Variants in NUP210L observed in about 807,000 individuals in gnomAD.
NUP210L encodes nucleoporin 210 like, also known as nuclear pore membrane glycoprotein 210-like.
NUP210L carries 74 observed loss-of-function variants against 208.5 expected under a neutral mutation model. The observed-to-expected ratio is 0.35, with a 90% confidence interval of 0.29 to 0.43. NUP210L has a LOEUF of 0.43. Ranked by LOEUF, NUP210L falls within the 20% of genes least tolerant of loss-of-function variation. NUP210L has a pLI of 1.00. For missense variants in NUP210L, 1,843 were observed against 2,289.4 expected (o/e 0.81, Z 3.98); for synonymous variants, 780 against 816.9 (o/e 0.95, Z 0.77).
chr1:154,018,415 T>A (rs942866903), intron 33 of NUP210L, among the ~76,000 whole-genome samples: 30 of 152,312 alleles, frequency 2.0e-4, no homozygotes, highest in African/African-American at 7.2e-4. Flanking sequence ...TATCCAAAGA[T>A]GACTGCTTTT....
intron 2 of NUP210L, among the ~76,000 whole-genome samples, chr1:154,145,940 G>A (rs751433150): frequency 1.3e-5 from 2 of 152,086 alleles, no homozygotes; most frequent in African/African-American, 2.4e-5. Flanking sequence ...TGTTGTTGTT[G>A]AGATGGAGTC....
chr1:154,124,469 T>C (rs1351189081), intron 10 of NUP210L, among the ~76,000 whole-genome samples: 1 of 152,008 alleles, frequency 6.6e-6, no homozygotes, highest in East Asian at 1.9e-4. Context: ...TCATTCCTTA[T>C]CCCTTTACTC....
intron 38 of NUP210L, among the ~76,000 whole-genome samples, chr1:153,994,569 C>T (rs534349185): frequency 6.6e-6 from 1 of 151,772 alleles, no homozygotes; most frequent in African/African-American, 2.4e-5. Flanking sequence ...GCCTTGGCCT[C>T]CCAAAGTGCT....
intron 2 of NUP210L, among the ~76,000 whole-genome samples, chr1:154,145,928 C>A (rs1659089422): frequency 6.6e-6 from 1 of 152,084 alleles, no homozygotes; most frequent in Non-Finnish European, 1.5e-5. Flanking sequence ...AAATATAATT[C>A]TTGTTGTTGT....
chr1:154,098,820 T>C (rs1220995246), intron 14 of NUP210L, among the ~76,000 whole-genome samples: 1 of 152,172 alleles, frequency 6.6e-6, no homozygotes, highest in Non-Finnish European at 1.5e-5. Context: ...CACCAGATAC[T>C]GCACCTTCTG....
At position 154,023,136 on chromosome 1, in the gene NUP210L, A is replaced by G. The variant is rs772581205; in HGVS notation, c.4284T>C (p.Tyr1428=). ...GACTTCCATACCTGTTCAGAGCCAGATAAAGCTGGGTATTGTGTGTGTGGA... is the reference window on the plus strand; with the variant it reads ...GACTTCCATACCTGTTCAGAGCCAGGTAAAGCTGGGTATTGTGTGTGTGGA... The change falls in exon 31 of 40, where the codon TAT becomes TAC. Residue 1428 remains tyrosine (Y), a synonymous_variant. Transcript: ENST00000368559. 5 of 1,613,930 alleles carry G rather than the reference A, an allele frequency of 3.1e-6. No homozygotes were observed. In the Admixed American group the frequency reaches 5.0e-5, roughly 16 times the overall value.
In NUP210L at chr1:154,029,931, T is replaced by G. The variant is rs1246678627; in HGVS notation, c.3820A>C (p.Asn1274His). The G allele has an allele frequency of 6.8e-6, 11 of 1,610,100 alleles. No individual in the cohort carries two copies. Among genetic ancestry groups the G allele is most frequent in the Non-Finnish European group, 9.3e-6 (11 of 1,179,064 alleles). Residue 1274 changes from asparagine to histidine, a missense_variant, in exon 28 of 40, where the codon AAT becomes CAT. By Grantham distance (68) the Asn-to-His change is moderately conservative. Coordinates refer to ENST00000368559, the Ensembl canonical transcript of NUP210L. The stretch of plus-strand genomic sequence containing the variant: ...ACTTCATCAGAGAGTTCCAACAAAT[T>G]CCCCTCAAACTGCCCAGAGGAACTG...
At chr1:154,002,549 C>T (rs1285829253) in intron 35 of NUP210L, among the ~76,000 whole-genome samples, 1 of 151,850 alleles carries the variant, frequency 6.6e-6, no homozygotes, top group Non-Finnish European at 1.5e-5. Context: ...AGGGAAATTG[C>T]TTGAGATGGA....
At chr1:154,075,070 T>C (rs559339867) in intron 16 of NUP210L, among the ~76,000 whole-genome samples, 3 of 152,276 alleles carry the variant, frequency 2.0e-5, no homozygotes, top group South Asian at 4.1e-4. Flanking sequence ...CTAACGCAAG[T>C]TGTTTGAGAC....
chr1:154,115,802 T>C lies in NUP210L; in HGVS notation c.1620+1923A>G, dbSNP rs530774122. ...AGTGATGGCAAACTATTAAGTCCTA[T>C]AGAGAACAGCAACATATATTAAAAA... On this transcript the variant is annotated intron_variant, in intron 12 of 39. Coordinates refer to ENST00000368559, the Ensembl canonical transcript of NUP210L. Among the ~76,000 whole-genome samples the C allele has an allele frequency of 7.9e-5, 12 of 152,058 alleles. No individual in the cohort carries two copies. In the East Asian group the frequency reaches 1.5e-3, roughly 20 times the overall value.
intron 38 of NUP210L, 123 bp from the exon 39 acceptor site, chr1:153,993,212 A>C (rs1311144342): frequency 1.6e-6 from 1 of 621,558 alleles, no homozygotes; most frequent in Non-Finnish European, 2.7e-6. Context: ...TAATGGCACT[A>C]TTACAGGAAG....
At chr1:154,101,649 C>T (rs554732550) in intron 13 of NUP210L, among the ~76,000 whole-genome samples, 2 of 152,060 alleles carry the variant, frequency 1.3e-5, no homozygotes, top group South Asian at 4.1e-4. Flanking sequence ...TTCATAGTTT[C>T]AAGGGGAAAG....
chr1:154,128,137 T>C (rs1658075508), intron 8 of NUP210L, among the ~76,000 whole-genome samples: 1 of 152,166 alleles, frequency 6.6e-6, no homozygotes, highest in South Asian at 2.1e-4. Flanking sequence ...GTGCTGGAAT[T>C]AGACATGAAC....
At chr1:154,077,044 A>C (rs958317948) in intron 16 of NUP210L, among the ~76,000 whole-genome samples, 2 of 152,076 alleles carry the variant, frequency 1.3e-5, no homozygotes, top group African/African-American at 4.8e-5. Context: ...ATCAGAAACC[A>C]TGAGGACCAG....
At chr1:154,069,181 C>T in intron 17 of NUP210L, among the ~76,000 whole-genome samples, 1 of 152,056 alleles carries the variant, frequency 6.6e-6, no homozygotes, top group Non-Finnish European at 1.5e-5. Flanking sequence ...GCAACAAAAG[C>T]CAAAATAGAC....
At chr1:154,026,412 G>C (rs1651879862) in intron 29 of NUP210L, among the ~76,000 whole-genome samples, 1 of 152,038 alleles carries the variant, frequency 6.6e-6, no homozygotes, top group African/African-American at 2.4e-5. Context: ...TCAATGGCGT[G>C]ATCTTGGCTC....
At chr1:154,039,525 C>T (rs10908627) in intron 27 of NUP210L, among the ~76,000 whole-genome samples, 39,360 of 151,962 alleles carry the variant, frequency 0.26, 5,576 homozygotes, top group Admixed American at 0.37. Context: ...CGTGAGCCAC[C>T]GCACCTGGCC....
intron 32 of NUP210L, 106 bp from the exon 33 acceptor site, chr1:154,019,175 T>C: frequency 9.8e-7 from 1 of 1,018,864 alleles, no homozygotes; most frequent in Non-Finnish European, 1.4e-6. Flanking sequence ...CAGATATCTC[T>C]TCCCAGGAGA....
intron 25 of NUP210L, among the ~76,000 whole-genome samples, chr1:154,047,989 G>A (rs1292116853): frequency 6.6e-6 from 1 of 152,184 alleles, no homozygotes; most frequent in African/African-American, 2.4e-5. Flanking sequence ...GAGCTTGGAA[G>A]CATCAGGGTA....
Sources: allele counts gnomAD v4.1 joint callset (sites outside exome capture counted in the v4.1 genomes callset), GRCh38; gene constraint gnomAD v4.1.1; transcripts MANE v1.5; gene names NCBI Gene and HGNC (gene_info 2026-07-23, HGNC 2026-07-21).